CYP2J2: variants seen among roughly 807,000 people sequenced by gnomAD.
CYP2J2 encodes the protein cytochrome P450 family 2 subfamily J member 2.
CYP2J2 carries 41 observed loss-of-function variants against 48.8 expected under a neutral mutation model. The ratio of observed to expected loss-of-function variants is 0.84; its 90% CI spans 0.66 to 1.09. The LOEUF is 1.09. Among genes scored for constraint, CYP2J2 ranks in the 50% least tolerant of loss-of-function variants. The pLI is 0.00. For synonymous variants in CYP2J2, 221 were observed against 227.1 expected (o/e 0.97, Z 0.24); for missense variants, 644 against 617.3 (o/e 1.04, Z -0.46).
intron 7 of CYP2J2, chr1:59,904,407 G>A (rs1644347703): frequency 6.5e-6 from 1 of 153,630 alleles, no homozygotes; most frequent in Admixed American, 6.5e-5. Flanking sequence ...TTAATATGAT[G>A]TTGTCCCAGG....
chr1:59,905,053 C>T lies in CYP2J2; in HGVS notation c.1009G>A (p.Val337Ile), dbSNP rs776490056. Residue 337 changes from valine (V) to isoleucine (I), a missense_variant, in exon 7 of 9, where the codon GTA (valine) becomes ATA (isoleucine). Coordinates refer to ENST00000371204, the MANE Select transcript of CYP2J2 (RefSeq NM_000775.4). ...MALYPEIQEK[V>I]QAEIDRVIGQ... Reference sequence around the variant, plus strand: ...ATCACTCTGTCAATCTCAGCTTGTACTTTTTCTGGTAAAGAGGGAAGGGTT... The same window carrying T: ...ATCACTCTGTCAATCTCAGCTTGTATTTTTTCTGGTAAAGAGGGAAGGGTT... The T allele has an allele frequency of 1.1e-5, 17 of 1,612,134 alleles. No homozygotes were observed. The South Asian group carries it at 1.4e-4, about 14-fold the overall frequency.
chr1:59,948,843 A>C, the CYP2J2 span, among the ~76,000 whole-genome samples: 3 of 152,212 alleles, frequency 2.0e-5, no homozygotes, highest in African/African-American at 7.2e-5. Context: ...GTGCAAATGC[A>C]AACCCATTTT....
chr1:59,927,543 C>G (rs1644577795), upstream of CYP2J2, among the ~76,000 whole-genome samples: 1 of 152,154 alleles, frequency 6.6e-6, no homozygotes, highest in Non-Finnish European at 1.5e-5. Flanking sequence ...AGTACACACT[C>G]ATGTACTCAA....
chr1:59,908,904 A>G (rs182414376), intron 5 of CYP2J2, among the ~76,000 whole-genome samples: 61 of 152,340 alleles, frequency 4.0e-4, no homozygotes, highest in Non-Finnish European at 7.9e-4. Context: ...AGGCCTTAAT[A>G]AAGTTGGCCT....
chr1:59,926,934 G>A (rs1187412716), upstream of CYP2J2: 1 of 610,054 alleles, frequency 1.6e-6, no homozygotes, highest in South Asian at 2.0e-5. Flanking sequence ...GCCAGGCTAG[G>A]AGCAGTTTCT....
At chr1:59,945,165 A>T in the CYP2J2 span, among the ~76,000 whole-genome samples, 3 of 152,286 alleles carry the variant, frequency 2.0e-5, no homozygotes, top group African/African-American at 7.2e-5. Context: ...ATGGTTAAGA[A>T]CAGCATTTTT....
At chr1:59,909,763 A>G in intron 5 of CYP2J2, 21 bp downstream of exon 5, 2 of 1,555,312 alleles carry the variant, frequency 1.3e-6, no homozygotes, top group Non-Finnish European at 1.7e-6. Context: ...ACAAAATACA[A>G]AATGACTTTG....
upstream of CYP2J2, among the ~76,000 whole-genome samples, chr1:59,928,288 G>A (rs1644585552): frequency 1.3e-5 from 2 of 152,100 alleles, no homozygotes; most frequent in Admixed American, 1.3e-4. Context: ...AATTGTGATT[G>A]CTAAAAATTA....
At chr1:59,966,669 T>A in the CYP2J2 span, among the ~76,000 whole-genome samples, 2 of 152,162 alleles carry the variant, frequency 1.3e-5, no homozygotes, top group African/African-American at 2.4e-5. Flanking sequence ...GTGGGGCCAA[T>A]TAAGAAAACA....
intron 8 of CYP2J2, among the ~76,000 whole-genome samples, chr1:59,899,227 G>A (rs534366348): frequency 8.5e-5 from 13 of 152,312 alleles, no homozygotes; most frequent in East Asian, 1.9e-4. Context: ...CATAACAGCC[G>A]AAACTTTGTG....
the CYP2J2 span, among the ~76,000 whole-genome samples, chr1:59,940,912 A>G: frequency 6.6e-6 from 1 of 152,330 alleles, no homozygotes; most frequent in Admixed American, 6.5e-5. Context: ...TCCCACTCAT[A>G]TGTGGGAGCT....
chr1:59,960,319 C>T, the CYP2J2 span, among the ~76,000 whole-genome samples: 3 of 152,132 alleles, frequency 2.0e-5, no homozygotes, highest in African/African-American at 4.8e-5. Context: ...TTACCCCATC[C>T]GAGTGAAGAG....
chr1:59,899,859 G>T (rs1431187086), intron 8 of CYP2J2, among the ~76,000 whole-genome samples: 2 of 152,150 alleles, frequency 1.3e-5, no homozygotes, highest in Non-Finnish European at 2.9e-5. Flanking sequence ...AGGGCTGAAT[G>T]CTTGACACAT....
At chr1:59,949,992 A>G in the CYP2J2 span, among the ~76,000 whole-genome samples, 1 of 152,076 alleles carries the variant, frequency 6.6e-6, no homozygotes, top group African/African-American at 2.4e-5. Flanking sequence ...GACCTGGTGA[A>G]AACTTTTGGG....
the CYP2J2 span, among the ~76,000 whole-genome samples, chr1:59,950,091 C>G: frequency 2.6e-5 from 4 of 152,132 alleles, no homozygotes; most frequent in Admixed American, 2.0e-4. Context: ...CTGAATGGTC[C>G]ATTGTCAACT....
chr1:59,919,037 TGA>T (rs1176320293), intron 1 of CYP2J2, among the ~76,000 whole-genome samples: 1 of 151,666 alleles, frequency 6.6e-6, no homozygotes, highest in Non-Finnish European at 1.5e-5. Flanking sequence ...AACAAAGACA[TGA>T]AAAGAGGAAA....
rs1283929155 is a variant in CYP2J2, at chr1:59,909,901, G to A, written c.744C>T (p.Phe248=). 6.2e-7 allele frequency: 1 copy of A among 1,611,940 alleles called. No individual in the cohort carries two copies. The highest frequency in any genetic ancestry group is 1.3e-5 in the African/African-American group (1 of 74,810). ...KFLPGPHQTL[F]SNWKKLKLFV... is the part of the protein sequence containing the mutation. ...ACAATTTCAGTTTTTTCCAGTTGCT[G>A]AAGAGAGTTTGGTGGGGTCCAGGCA... The change falls in exon 5 of 9, where the codon TTC becomes TTT. Residue 248 remains phenylalanine (F), a synonymous_variant. Coordinates refer to ENST00000371204, the MANE Select transcript of CYP2J2 (RefSeq NM_000775.4).
intron 1 of CYP2J2, among the ~76,000 whole-genome samples, chr1:59,918,860 G>T (rs900371642): frequency 3.3e-5 from 5 of 152,060 alleles, no homozygotes; most frequent in African/African-American, 1.2e-4. Context: ...TCCAAATGTA[G>T]CATAAGCATT....
chr1:59,911,732 G>T lies in CYP2J2; in HGVS notation c.560C>A (p.Ala187Glu). ...GATGGAGCAAATGATATTGGAAACTGCATTGTTGATCTTGAAATGAGGGTC... is the reference window on the plus strand; with the variant it reads ...GATGGAGCAAATGATATTGGAAACTTCATTGTTGATCTTGAAATGAGGGTC... Reference protein sequence around the residue: ...PFDPHFKINNAVSNIICSITF... With the variant: ...PFDPHFKINNEVSNIICSITF... The change falls in exon 4 of 9, where the codon GCA becomes GAA. Residue 187 changes from alanine (A) to glutamate (E), a missense_variant. By Grantham distance (107) the Ala-to-Glu change is moderately radical (BLOSUM62 -1). Transcript: ENST00000371204. The T allele has an allele frequency of 2.5e-6, 4 of 1,613,602 alleles. No individual in the cohort carries two copies. The highest frequency in any genetic ancestry group is 1.7e-6 in the Non-Finnish European group (2 of 1,179,652).
Sources: allele counts gnomAD v4.1 joint callset (sites outside exome capture counted in the v4.1 genomes callset), GRCh38; gene constraint gnomAD v4.1.1; transcripts MANE v1.5; gene names NCBI Gene and HGNC (gene_info 2026-07-23, HGNC 2026-07-21).